The following SYNE1 variants were observed in gnomAD, a reference collection of about 807,000 sequenced individuals.
The protein encoded by SYNE1 is nesprin-1.
A neutral mutation model predicts 1,111.0 loss-of-function variants in SYNE1; 616 were observed. The ratio of observed to expected loss-of-function variants is 0.55; its 90% CI spans 0.52 to 0.59. The LOEUF is 0.59. Among genes scored for constraint, SYNE1 ranks in the 20% least tolerant of loss-of-function variants. SYNE1 has a pLI of 0.00. For missense variants in SYNE1, 10,006 were observed against 10,417.0 expected (o/e 0.96, Z 1.72); for synonymous variants, 3,855 against 3,825.8 (o/e 1.01, Z -0.28).
chr6:152,526,349 A>G (rs1204905173), intron 4 of SYNE1, among the ~76,000 whole-genome samples, 174 bp from the exon 5 acceptor site: 2 of 152,212 alleles, frequency 1.3e-5, no homozygotes, highest in Non-Finnish European at 2.9e-5. Context: ...CTGTGAGAAG[A>G]AAAACAATCC....
chr6:152,374,465 C>T (rs958233297), intron 58 of SYNE1, among the ~76,000 whole-genome samples: 2 of 152,204 alleles, frequency 1.3e-5, no homozygotes, highest in Non-Finnish European at 2.9e-5. Context: ...AGAGAAAAGG[C>T]CAAAGGCTAT....
chr6:152,448,003 G>GA (rs757639972), intron 28 of SYNE1, among the ~76,000 whole-genome samples: 30 of 152,204 alleles, frequency 2.0e-4, no homozygotes, highest in African/African-American at 4.6e-4. Flanking sequence ...GATATTTTGT[G>GA]AAAAAATAAT....
chr6:152,399,083 A>T (rs2097775189), intron 48 of SYNE1, among the ~76,000 whole-genome samples: 1 of 152,208 alleles, frequency 6.6e-6, no homozygotes, highest in South Asian at 2.1e-4. Flanking sequence ...GGGACATTAA[A>T]GCCATTTTGA....
intron 3 of SYNE1, among the ~76,000 whole-genome samples, chr6:152,581,202 A>G (rs1043165012): frequency 3.3e-5 from 5 of 152,220 alleles, no homozygotes; most frequent in African/African-American, 1.2e-4. Flanking sequence ...CAGCAGGCTA[A>G]ACCATGTATG....
At chr6:152,201,973 A>G (rs1587696787) in intron 126 of SYNE1, 24 bp from the exon 127 acceptor site, 1 of 1,613,158 alleles carries the variant, frequency 6.2e-7, no homozygotes, top group Non-Finnish European at 8.5e-7. Flanking sequence ...AAAAACAAAT[A>G]GCATAGATGT....
intron 10 of SYNE1, 91 bp downstream of exon 10, chr6:152,502,542 T>C: frequency 1.0e-6 from 1 of 995,876 alleles, no homozygotes. Flanking sequence ...TAAAATGCAT[T>C]CAAATTTAAT....
chr6:152,122,266 T>A lies in SYNE1; in HGVS notation c.*170A>T. ...CTGTTTGTTCCCCCGTCACTGTTTA[T>A]CTTCCACCTCTGAAGCCATAATTTG... On this transcript the variant is annotated 3_prime_UTR_variant, in exon 146 of 146. Transcript: ENST00000367255. The A allele has an allele frequency of 1.0e-6, 1 of 1,001,718 alleles. No homozygotes were observed. Among genetic ancestry groups the A allele is most frequent in the Non-Finnish European group, 1.5e-6 (1 of 664,474 alleles). 62.1% of individuals were successfully genotyped at this position (1,001,718 alleles called of 1,614,324 possible).
rs569200001 is a variant in SYNE1 at position 152,284,773 on chromosome 6, G to A, written c.18013-601C>T. Among the ~76,000 whole-genome samples the A allele has an allele frequency of 7.2e-5, 11 of 151,748 alleles. No homozygotes were observed. The South Asian group carries it at 1.3e-3, about 17-fold the overall frequency. ...CATTTCTAAGAGTCTCCAATACAAC[G>A]TTGAAAATAAAATGTATTACTTTCT... On this transcript the variant is annotated intron_variant, in intron 95 of 145. Coordinates refer to ENST00000367255, the MANE Select transcript of SYNE1 (RefSeq NM_182961.4).
chr6:152,240,380 T>C (rs2085317545), intron 107 of SYNE1, among the ~76,000 whole-genome samples: 1 of 152,230 alleles, frequency 6.6e-6, no homozygotes, highest in Admixed American at 6.5e-5. Context: ...ACTTCTAGGA[T>C]ATTTGCGTGC....
At chr6:152,300,565 G>A (rs1031132742) in intron 93 of SYNE1, 76 bp downstream of exon 93, 8 of 1,599,130 alleles carry the variant, frequency 5.0e-6, no homozygotes, top group African/African-American at 4.0e-5. Flanking sequence ...TCATACCCAC[G>A]ATCTAATGGA....
At chr6:152,127,856 G>A (rs1051165199) in intron 145 of SYNE1, 1 of 152,224 alleles carries the variant, frequency 6.6e-6, no homozygotes, top group Non-Finnish European at 1.5e-5. Context: ...TTGCTTAAAT[G>A]TATCTGATTA....
chr6:152,127,836 C>G (rs1269946675), intron 145 of SYNE1: 1 of 152,150 alleles, frequency 6.6e-6, no homozygotes, highest in Non-Finnish European at 1.5e-5. Context: ...GCAAAAAACC[C>G]CCACTGCCCT....
At chr6:152,589,029 A>C (rs2099549429) in intron 3 of SYNE1, among the ~76,000 whole-genome samples, 1 of 151,620 alleles carries the variant, frequency 6.6e-6, no homozygotes. Flanking sequence ...GGCTCACTGC[A>C]ACCTCTACCT....
chr6:152,589,393 T>G (rs754509098), intron 3 of SYNE1, among the ~76,000 whole-genome samples: 5 of 152,186 alleles, frequency 3.3e-5, no homozygotes, highest in Non-Finnish European at 7.3e-5. Context: ...TAAAGTCTTA[T>G]TTTTTATGGT....
At chr6:152,492,633 C>T (rs2098977113) in intron 11 of SYNE1, among the ~76,000 whole-genome samples, 2 of 152,296 alleles carry the variant, frequency 1.3e-5, no homozygotes, top group South Asian at 4.1e-4. Context: ...AACTCTGGCC[C>T]AAGGCTCTCT....
chr6:152,236,604 A>G (rs1197854027), intron 109 of SYNE1, among the ~76,000 whole-genome samples: 3 of 152,186 alleles, frequency 2.0e-5, no homozygotes, highest in Non-Finnish European at 4.4e-5. Flanking sequence ...GTGGAGGCTG[A>G]ATTTTCAAAA....
At chr6:152,325,669 G>A (rs1026468066) in intron 80 of SYNE1, among the ~76,000 whole-genome samples, 8 of 152,040 alleles carry the variant, frequency 5.3e-5, no homozygotes, top group South Asian at 2.1e-4. Flanking sequence ...AGTTATTAAC[G>A]TTTTAGTTTT....
chr6:152,208,139 G>C lies in SYNE1; in HGVS notation c.22657C>G (p.Gln7553Glu). 6.2e-7 allele frequency: 1 copy of C among 1,614,082 alleles called. No homozygotes were observed. The highest frequency in any genetic ancestry group is 8.5e-7 in the Non-Finnish European group (1 of 1,180,004). The change falls in exon 125 of 146, where the codon CAG becomes GAG. Residue 7553 changes from glutamine to glutamate, a missense_variant. Physicochemically the swap from Gln to Glu is conservative, Grantham distance 29 (BLOSUM62 2). Around this residue, in one of 7 missense-constraint regions of SYNE1, gnomAD observed 2,182 missense variants for 2,287.8 expected, o/e 0.95. Coordinates refer to ENST00000367255, the MANE Select transcript of SYNE1 (RefSeq NM_182961.4). The stretch of plus-strand genomic sequence containing the variant: ...TGGCTGTCAATGATCCCCCGCCTCT[G>C]CTGGGCCCTGCGAATCACTCCCTGC... ...QWQGVIRRAQ[Q>E]RRGIIDSQIR...
intron 137 of SYNE1, chr6:152,145,445 A>G: frequency 1.9e-6 from 3 of 1,577,204 alleles, no homozygotes; most frequent in South Asian, 2.2e-5. Flanking sequence ...GGATTGCTAT[A>G]CAGGGGAGGG....
Sources: gnomAD v4.1 joint callset for allele counts (sites outside exome capture counted in the v4.1 genomes callset) on GRCh38, gnomAD v4.1.1 for gene constraint, gnomAD v4.1.1 regional missense constraint, MANE v1.5 for transcripts, NCBI Gene and HGNC (gene_info 2026-07-23, HGNC 2026-07-21) for gene names.